The following ZNF79 variants were observed in gnomAD, a reference collection of about 807,000 sequenced individuals.
ZNF79 encodes zinc finger protein 79, also known as ZNFpT7.
Under a neutral mutation model 14.9 loss-of-function variants are expected in ZNF79, and 13 were observed. That is an observed-to-expected ratio of 0.87 (90% CI 0.57 to 1.38). ZNF79 has a LOEUF of 1.38. Ranked by LOEUF, ZNF79 falls within the 40% of genes most tolerant of loss-of-function variation. ZNF79 has a pLI of 0.00. For missense variants in ZNF79, 631 were observed against 630.6 expected, an observed-to-expected ratio of 1.00 and a Z score of -0.01; for synonymous variants, 223 against 235.1, an observed-to-expected ratio of 0.95 and a Z score of 0.47.
At chr9:127,442,077 A>G (rs1286047393) in intron 4 of ZNF79, among the ~76,000 whole-genome samples, 1 of 151,902 alleles carries the variant, frequency 6.6e-6, no homozygotes, top group East Asian at 1.9e-4. Flanking sequence ...AGATCACACT[A>G]TTGCACTCCA....
chr9:127,440,280 A>AG lies in ZNF79; in HGVS notation c.329-3749_329-3748insG, dbSNP rs1834027459. 2.0e-5 allele frequency among the ~76,000 whole-genome samples: 3 copies of AG among 152,300 alleles called. No homozygotes were observed. The South Asian group carries it at 6.2e-4, about 32-fold the overall frequency. ...AAGGGAGGGAGCTGTTTGGGAGCTG[A>AG]TGAAGAGGAAAGACTCTTTGGAGGT... On this transcript the variant is annotated intron_variant, in intron 4 of 4. Transcript: ENST00000342483.
chr9:127,426,692 T>TA (rs1316858771), intron 1 of ZNF79, among the ~76,000 whole-genome samples: 2 of 152,240 alleles, frequency 1.3e-5, no homozygotes, highest in African/African-American at 4.8e-5. Context: ...ATAGCATGCG[T>TA]CAGTACTTCA....
intron 2 of ZNF79, among the ~76,000 whole-genome samples, chr9:127,430,931 T>C (rs563936372): frequency 1.8e-4 from 27 of 152,366 alleles, no homozygotes; most frequent in African/African-American, 6.5e-4. Flanking sequence ...CTCTGCAGCC[T>C]CGCCAGCATC....
chr9:127,432,581 G>T (rs997782826), intron 2 of ZNF79, among the ~76,000 whole-genome samples: 2 of 145,372 alleles, frequency 1.4e-5, no homozygotes, highest in Non-Finnish European at 3.0e-5. Context: ...TTCTTTATCT[G>T]CCCATTTGGC....
chr9:127,434,724 C>CT (rs1168033364), intron 2 of ZNF79, among the ~76,000 whole-genome samples: 1 of 152,228 alleles, frequency 6.6e-6, no homozygotes, highest in Non-Finnish European at 1.5e-5. Context: ...TCTCGGCTCA[C>CT]TGCAACCTCT....
intron 1 of ZNF79, chr9:127,428,520 C>A: frequency 3.6e-6 from 1 of 279,986 alleles, no homozygotes; most frequent in Non-Finnish European, 5.7e-6. Context: ...GCAGATTATC[C>A]CTTACAAGGG....
intron 1 of ZNF79, among the ~76,000 whole-genome samples, chr9:127,426,621 C>T (rs1169302172): frequency 6.6e-6 from 1 of 152,194 alleles, no homozygotes; most frequent in Non-Finnish European, 1.5e-5. Context: ...GGCAATCCAC[C>T]TGCCAATATG....
intron 4 of ZNF79, among the ~76,000 whole-genome samples, chr9:127,439,807 G>C (rs1834018832): frequency 6.6e-6 from 1 of 152,236 alleles, no homozygotes; most frequent in African/African-American, 2.4e-5. Flanking sequence ...TGGGGATGAA[G>C]ACGTAGTTTC....
chr9:127,437,322 GCT>G (rs1453331886), intron 4 of ZNF79, among the ~76,000 whole-genome samples: 1 of 143,108 alleles, frequency 7.0e-6, no homozygotes, highest in Admixed American at 6.9e-5. Context: ...TGGCCCTGCT[GCT>G]TCCTTCTCTC....
chr9:127,428,913 G>A lies in ZNF79; in HGVS notation c.98G>A (p.Gly33Glu), dbSNP rs1290740896. The A allele has an allele frequency of 1.3e-6, 2 of 1,579,206 alleles. No individual in the cohort carries two copies. Among genetic ancestry groups the A allele is most frequent in the African/African-American group, 2.7e-5 (2 of 73,132 alleles). ...EGMAAGLLTA[G>E]PRGSTFFSSV... ...ATGGCTGCTGGTCTCCTCACAGCTG[G>A]GCCCCGGGTAAGTTGGAAATTAACT... is the stretch of plus-strand genomic sequence containing the variant. Residue 33 changes from glycine (G) to glutamate (E), a missense_variant, in exon 2 of 5, where the codon GGG becomes GAG. Transcript: ENST00000342483.
At chr9:127,436,171 C>T (rs1396368429) in intron 4 of ZNF79, among the ~76,000 whole-genome samples, 168 bp downstream of exon 4, 1 of 152,238 alleles carries the variant, frequency 6.6e-6, no homozygotes, top group East Asian at 1.9e-4. Flanking sequence ...TTCAAAGCTT[C>T]ACAGCTAGAT....
chr9:127,435,575 G>A (rs774578602), intron 3 of ZNF79, among the ~76,000 whole-genome samples: 4 of 152,124 alleles, frequency 2.6e-5, no homozygotes, highest in Admixed American at 2.0e-4. Flanking sequence ...TTCCAGAAAC[G>A]TTTTATGTAG....
chr9:127,434,138 T>C (rs1833905820), intron 2 of ZNF79, among the ~76,000 whole-genome samples: 1 of 152,168 alleles, frequency 6.6e-6, no homozygotes, highest in African/African-American at 2.4e-5. Flanking sequence ...GTCACCTCCA[T>C]GCTTCTGCTC....
chr9:127,429,032 T>C, intron 2 of ZNF79, 112 bp downstream of exon 2: 1 of 749,242 alleles, frequency 1.3e-6, no homozygotes, highest in Non-Finnish European at 2.0e-6. Flanking sequence ...CTTTATTTTT[T>C]GAGACTGAGT....
chr9:127,437,593 A>G (rs1448590029), intron 4 of ZNF79, among the ~76,000 whole-genome samples: 1 of 151,392 alleles, frequency 6.6e-6, no homozygotes, highest in African/African-American at 2.4e-5. Flanking sequence ...ATTCGCTCAC[A>G]GTTCTGGAGG....
chr9:127,443,940 C>T (rs1414225534), intron 4 of ZNF79, 89 bp from the exon 5 acceptor site: 14 of 952,856 alleles, frequency 1.5e-5, no homozygotes, highest in Non-Finnish European at 2.0e-5. Context: ...AGTCATCAAA[C>T]CTGTGTGTGT....
chr9:127,428,092 C>A (rs1355268405), intron 1 of ZNF79, among the ~76,000 whole-genome samples: 1 of 152,026 alleles, frequency 6.6e-6, no homozygotes, highest in African/African-American at 2.4e-5. Flanking sequence ...GCGATCCTCC[C>A]ACCTCAGTCC....
chr9:127,441,975 G>C (rs1002160513), intron 4 of ZNF79, among the ~76,000 whole-genome samples: 1 of 152,108 alleles, frequency 6.6e-6, no homozygotes, highest in African/African-American at 2.4e-5. Flanking sequence ...AAATTAGCCG[G>C]GTGTGGTGGC....
intron 4 of ZNF79, among the ~76,000 whole-genome samples, chr9:127,441,183 A>C (rs1246051928): frequency 6.6e-6 from 1 of 151,818 alleles, no homozygotes; most frequent in Non-Finnish European, 1.5e-5. Flanking sequence ...CTCAGCCTGC[A>C]GTGGGGCCTC....
Sources: gnomAD v4.1 joint callset for allele counts (sites outside exome capture counted in the v4.1 genomes callset) on GRCh38, gnomAD v4.1.1 for gene constraint, MANE v1.5 for transcripts, NCBI Gene and HGNC (gene_info 2026-07-23, HGNC 2026-07-21) for gene names.